DNASE2B: variants seen among roughly 807,000 people sequenced by gnomAD.
DNASE2B encodes the protein deoxyribonuclease-2-beta.
In DNASE2B, 43 loss-of-function variants were observed where a neutral mutation model predicts 46.0. The observed-to-expected ratio is 0.94, with a 90% CI of 0.73 to 1.21. The LOEUF is 1.21. Ranked by LOEUF, DNASE2B falls within the 50% of genes most tolerant of loss-of-function variation. The probability of loss-of-function intolerance (pLI) is 0.00; values close to 1 mark genes in which losing one functional copy is unlikely to be tolerated. For synonymous variants in DNASE2B, 156 were observed against 152.5 expected (o/e 1.02, Z -0.17); for missense variants, 395 against 414.4 (o/e 0.95, Z 0.41).
chr1:84,403,802 T>C (rs1680457302), intron 2 of DNASE2B, among the ~76,000 whole-genome samples: 1 of 152,044 alleles, frequency 6.6e-6, no homozygotes, highest in Non-Finnish European at 1.5e-5. Context: ...TATTTTTTTC[T>C]TTTGAGACAG....
intron 5 of DNASE2B, among the ~76,000 whole-genome samples, chr1:84,412,878 A>G (rs6671641): frequency 0.013 from 2,039 of 151,534 alleles, 47 homozygotes; most frequent in African/African-American, 0.046. Flanking sequence ...ACTACTCTGC[A>G]CCCTCACTCA....
chr1:84,403,376 T>C (rs1680452261), intron 2 of DNASE2B, among the ~76,000 whole-genome samples: 1 of 152,232 alleles, frequency 6.6e-6, no homozygotes, highest in Admixed American at 6.5e-5. Context: ...TCTTATATAC[T>C]ATATTCTTAC....
chr1:84,405,946 G>A (rs1402853624), intron 2 of DNASE2B, among the ~76,000 whole-genome samples: 1 of 152,060 alleles, frequency 6.6e-6, no homozygotes, highest in Admixed American at 6.6e-5. Flanking sequence ...TAATAGATTT[G>A]TGCATAGTTT....
At chr1:84,401,774 C>T in intron 1 of DNASE2B, 127 bp from the exon 2 acceptor site, 1 of 678,850 alleles carries the variant, frequency 1.5e-6, no homozygotes, top group Non-Finnish European at 2.3e-6. Flanking sequence ...AGAGCTTGAG[C>T]AAATCCCTTT....
chr1:84,399,125 T>C (rs150406427), intron 1 of DNASE2B, among the ~76,000 whole-genome samples: 1 of 152,362 alleles, frequency 6.6e-6, no homozygotes, highest in African/African-American at 2.4e-5. Flanking sequence ...AAGGGGGACC[T>C]GGTCACACAC....
intron 3 of DNASE2B, 141 bp downstream of exon 3, chr1:84,408,659 C>A: frequency 3.5e-6 from 2 of 574,954 alleles, no homozygotes; most frequent in Non-Finnish European, 5.5e-6. Flanking sequence ...AAATGTATGA[C>A]TTCTATATCA....
chr1:84,407,154 C>A (rs1485778545), intron 2 of DNASE2B, among the ~76,000 whole-genome samples: 1 of 152,182 alleles, frequency 6.6e-6, no homozygotes, highest in African/African-American at 2.4e-5. Context: ...ACTAAGGCTA[C>A]AATCCACTTA....
At chr1:84,403,545 C>G (rs932760096) in intron 2 of DNASE2B, among the ~76,000 whole-genome samples, 3 of 150,962 alleles carry the variant, frequency 2.0e-5, no homozygotes, top group Admixed American at 6.6e-5. Flanking sequence ...AGGGGAAGGG[C>G]TGGTCTTGCT....
intron 3 of DNASE2B, 145 bp downstream of exon 3, chr1:84,408,663 T>C: frequency 1.8e-6 from 1 of 554,600 alleles, no homozygotes; most frequent in Non-Finnish European, 2.9e-6. Context: ...GTATGACTTC[T>C]ATATCACTGG....
In DNASE2B at chr1:84,414,794, T is replaced by G; in HGVS notation, c.1012T>G (p.Phe338Val). ...ACACCAAGCCTTCAGAAGTGGAGGA[T>G]TCATTTGTACCCAGAATTGGCAAAT... ...SPHQAFRSGG[F>V]ICTQNWQIYQ... Residue 338 changes from phenylalanine (F) to valine (V), a missense_variant, in exon 6 of 6, where the codon TTC (phenylalanine) becomes GTC (valine). Physicochemically the swap from Phe to Val is conservative, Grantham distance 50 (BLOSUM62 -1). Transcript: ENST00000370665. 1 of 1,614,166 alleles carries G rather than the reference T, an allele frequency of 6.2e-7. No homozygotes were observed. Among genetic ancestry groups the G allele is most frequent in the Non-Finnish European group, 8.5e-7 (1 of 1,180,018 alleles).
In DNASE2B at chr1:84,415,015, T is replaced by G. The variant is rs1381573579; in HGVS notation, c.*147T>G. 8.2e-6 allele frequency: 5 copies of G among 610,214 alleles called. No individual in the cohort carries two copies. The highest frequency in any genetic ancestry group is 1.4e-5 in the Non-Finnish European group (5 of 359,930). The allele number at this position is 610,214 out of a possible 1,614,324, so 37.8% of individuals were successfully genotyped here. A position where few individuals can be genotyped will look rare whatever the true frequency, so the allele number is the denominator to read the frequency against. Reference sequence around the variant, plus strand: ...AACATTTTTCTCTCATGTTTACCATTTAATCTTCTATTTAATGGTAATTTA... The same window carrying G: ...AACATTTTTCTCTCATGTTTACCATGTAATCTTCTATTTAATGGTAATTTA... On this transcript the variant is annotated 3_prime_UTR_variant, in exon 6 of 6. Transcript: ENST00000370665.
At chr1:84,411,035 T>C (rs1680582663) in intron 4 of DNASE2B, 36 bp downstream of exon 4, 2 of 1,561,352 alleles carry the variant, frequency 1.3e-6, no homozygotes, top group Non-Finnish European at 1.7e-6. Flanking sequence ...AAACGATAAC[T>C]ATGTTGAAGA....
At chr1:84,408,359 C>G (rs1558501198) in intron 2 of DNASE2B, 78 bp from the exon 3 acceptor site, 2 of 1,479,078 alleles carry the variant, frequency 1.4e-6, no homozygotes, top group Non-Finnish European at 1.8e-6. Flanking sequence ...GTATTGCAGG[C>G]TGGGTAGCTG....
At chr1:84,408,362 G>A in intron 2 of DNASE2B, 75 bp from the exon 3 acceptor site, 1 of 1,494,154 alleles carries the variant, frequency 6.7e-7, no homozygotes, top group East Asian at 2.5e-5. Context: ...TTGCAGGCTG[G>A]GTAGCTGGTA....
intron 1 of DNASE2B, among the ~76,000 whole-genome samples, chr1:84,399,550 A>T (rs1224060064): frequency 6.6e-6 from 1 of 152,230 alleles, no homozygotes; most frequent in Non-Finnish European, 1.5e-5. Flanking sequence ...TTCTCTAAGG[A>T]TGTAATTTTT....
At chr1:84,411,702 A>G (rs1471455754) in intron 4 of DNASE2B, among the ~76,000 whole-genome samples, 1 of 152,156 alleles carries the variant, frequency 6.6e-6, no homozygotes, top group Non-Finnish European at 1.5e-5. Context: ...GTAGCTAAAT[A>G]GTAGTGAAAA....
chr1:84,412,420 A>T lies in DNASE2B; in HGVS notation c.619A>T (p.Ile207Phe), dbSNP rs766348671. 1.3e-5 allele frequency: 21 copies of T among 1,612,814 alleles called. No homozygotes were observed. The South Asian group carries it at 2.2e-4, about 17-fold the overall frequency. The change falls in exon 5 of 6, where the codon ATT becomes TTT. Residue 207 changes from isoleucine (I) to phenylalanine (F), a missense_variant. By Grantham distance (21) the Ile-to-Phe change is conservative. Coordinates refer to ENST00000370665, the MANE Select transcript of DNASE2B (RefSeq NM_021233.3). ...SIPATFHQEL[I>F]HMPQLCTRAS... ...CCCAGCCACCTTTCACCAGGAGCTC[A>T]TTCACATGCCCCAGCTGTGCACCAG...
chr1:84,414,687 A>G lies in DNASE2B; in HGVS notation c.905A>G (p.Tyr302Cys). Residue 302 changes from tyrosine (Y) to cysteine (C), a missense_variant, in exon 6 of 6, where the codon TAT (tyrosine) becomes TGT (cysteine). Tyr to Cys is a radical substitution (Grantham distance 194). Transcript: ENST00000370665. ...TCACGACACTCTTATTTCAGTTCTT[A>G]TCAAGATCATGCCAAGTGGTGTATT... The part of the protein sequence containing the change: ...KLSRHSYFSS[Y>C]QDHAKWCISQ... 3 of 1,614,206 alleles carry G rather than the reference A, an allele frequency of 1.9e-6. No individual in the cohort carries two copies. The highest frequency in any genetic ancestry group is 2.5e-6 in the Non-Finnish European group (3 of 1,180,020).
chr1:84,398,491 G>A lies in DNASE2B; in HGVS notation c.-74G>A. On this transcript the variant is annotated 5_prime_UTR_variant, in exon 1 of 6. Coordinates refer to ENST00000370665, the MANE Select transcript of DNASE2B (RefSeq NM_021233.3). Reference sequence around the variant, plus strand: ...TAAATCAAATCAAACGTCAGAGCCAGCACAGCCTGAGAGCGCCTTGAAACT... The same window carrying A: ...TAAATCAAATCAAACGTCAGAGCCAACACAGCCTGAGAGCGCCTTGAAACT... 1 of 1,582,902 alleles carries A rather than the reference G, an allele frequency of 6.3e-7. No homozygotes were observed. The highest frequency in any genetic ancestry group is 8.6e-7 in the Non-Finnish European group (1 of 1,161,868).
Sources: allele counts gnomAD v4.1 joint callset (sites outside exome capture counted in the v4.1 genomes callset), GRCh38; gene constraint gnomAD v4.1.1; transcripts MANE v1.5; gene names NCBI Gene and HGNC (gene_info 2026-07-23, HGNC 2026-07-21).